The following CYP3A43 variants were observed in gnomAD, a reference collection of about 807,000 sequenced individuals.
The protein encoded by CYP3A43 is cytochrome P450 3A43.
Under a neutral mutation model 58.0 loss-of-function variants are expected in CYP3A43, and 45 were observed. The ratio of observed to expected loss-of-function variants is 0.78; its 90% confidence interval spans 0.61 to 0.99. The LOEUF (loss-of-function observed/expected upper bound fraction) is 0.99, where lower values mean the gene tolerates loss of function less well. CYP3A43 is among the 50% of genes least tolerant of loss of function. The pLI is 0.00. For synonymous variants in CYP3A43, 191 were observed against 201.4 expected (o/e 0.95, Z 0.44); for missense variants, 593 against 591.9 (o/e 1.00, Z -0.02).
chr7:99,830,283 C>T (rs943151595), intron 1 of CYP3A43, among the ~76,000 whole-genome samples: 10 of 152,034 alleles, frequency 6.6e-5, no homozygotes, highest in African/African-American at 2.4e-4. Context: ...TTTGGAAAGC[C>T]GAGGTGGGTG....
At chr7:99,863,786 C>G (rs546129853) in intron 12 of CYP3A43, 87 bp downstream of exon 12, 1 of 1,103,710 alleles carries the variant, frequency 9.1e-7, no homozygotes, top group East Asian at 2.6e-5. Flanking sequence ...GTTCATTTTT[C>G]AATAATTTGC....
intron 2 of CYP3A43, chr7:99,838,634 T>C: frequency 7.8e-7 from 1 of 1,276,722 alleles, no homozygotes; most frequent in Non-Finnish European, 1.0e-6. Context: ...CTTTAAATTC[T>C]CCATTTCAAA....
At chr7:99,850,551 C>A (rs1365845098) in intron 7 of CYP3A43, among the ~76,000 whole-genome samples, 3 of 151,990 alleles carry the variant, frequency 2.0e-5, no homozygotes, top group South Asian at 2.1e-4. Flanking sequence ...CCTTCCTCAC[C>A]TTTTTTATGT....
At chr7:99,855,806 T>C in intron 8 of CYP3A43, 88 bp downstream of exon 8, 3 of 1,412,516 alleles carry the variant, frequency 2.1e-6, no homozygotes, top group Non-Finnish European at 1.9e-6. Context: ...CTTATCTGTG[T>C]TTTTTAAAGG....
At chr7:99,860,842 T>G (rs1010051185) in intron 10 of CYP3A43, among the ~76,000 whole-genome samples, 3 of 152,070 alleles carry the variant, frequency 2.0e-5, no homozygotes, top group African/African-American at 7.3e-5. Flanking sequence ...ATCCCCAAAC[T>G]ATTTATAGGG....
Position 99,856,828 on chromosome 7 carries a change from T to C in CYP3A43, c.799-5T>C. 1.2e-6 allele frequency: 2 copies of C among 1,613,946 alleles called. No individual in the cohort carries two copies. The highest frequency in any genetic ancestry group is 1.7e-6 in the Non-Finnish European group (2 of 1,179,968). Reference sequence around the variant, plus strand: ...TGTCATTAAAATTTCTCTTTTTGCTTCCAGCATCGAGTAGATTTCTTTCAA... The same window carrying C: ...TGTCATTAAAATTTCTCTTTTTGCTCCCAGCATCGAGTAGATTTCTTTCAA... On this transcript the variant is annotated splice_polypyrimidine_tract_variant and splice_region_variant and intron_variant, in intron 8 of 12. Coordinates refer to ENST00000354829, the MANE Select transcript of CYP3A43 (RefSeq NM_057095.3).
At chr7:99,857,004 A>G in intron 9 of CYP3A43, 105 bp downstream of exon 9, 1 of 1,340,576 alleles carries the variant, frequency 7.5e-7, no homozygotes, top group Non-Finnish European at 1.0e-6. Context: ...AATTTCTTCC[A>G]CATTGCAGAA....
At chr7:99,862,208 A>G (rs1392274859) in intron 11 of CYP3A43, among the ~76,000 whole-genome samples, 1 of 152,212 alleles carries the variant, frequency 6.6e-6, no homozygotes, top group Admixed American at 6.5e-5. Context: ...TCATTTCACC[A>G]TAATGTTATT....
intron 5 of CYP3A43, 35 bp from the exon 6 acceptor site, chr7:99,848,131 C>A (rs763656555): frequency 1.2e-6 from 2 of 1,603,378 alleles, no homozygotes; most frequent in Non-Finnish European, 1.7e-6. Flanking sequence ...AGACTCGAGT[C>A]TGCGTAGTTA....
rs567010063 is a variant in CYP3A43 at position 99,838,659 on chromosome 7, T to C, written c.166-461T>C. ...TCCATTTCAAATATCTTCTGTATTT[T>C]CTCTCCTTTTCCTTAAGAGGTCTCT... On this transcript the variant is annotated intron_variant, in intron 2 of 12. Transcript: ENST00000354829. The C allele has an allele frequency of 1.6e-4, 205 of 1,288,040 alleles. No individual in the cohort carries two copies. The African/African-American group carries it at 3.0e-3, about 19-fold the overall frequency. The allele number at this position is 1,288,040 out of a possible 1,614,324, so 79.8% of individuals were successfully genotyped here. A position where few individuals can be genotyped will look rare whatever the true frequency, so the allele number is the denominator to read the frequency against.
intron 1 of CYP3A43, among the ~76,000 whole-genome samples, chr7:99,835,845 C>T (rs1451415268): frequency 6.6e-6 from 1 of 152,194 alleles, no homozygotes; most frequent in Non-Finnish European, 1.5e-5. Flanking sequence ...GTGGGAATGG[C>T]AAACCTTCCT....
chr7:99,861,710 G>A lies in CYP3A43; in HGVS notation c.1124G>A (p.Arg375Lys). Residue 375 changes from arginine to lysine, a missense_variant, in exon 11 of 13, where the codon AGA (arginine) becomes AAA (lysine). By Grantham distance (26) the Arg-to-Lys change is conservative (BLOSUM62 2). Coordinates refer to ENST00000354829, the MANE Select transcript of CYP3A43 (RefSeq NM_057095.3). ...RLFPVVSRVT[R>K]VCKKDIEING... ...TTCCCAGTTGTTAGTAGAGTTACGA[G>A]AGTCTGCAAGAAAGATATTGAAATC... 1 of 1,614,170 alleles carries A rather than the reference G, an allele frequency of 6.2e-7. No individual in the cohort carries two copies. The highest frequency in any genetic ancestry group is 8.5e-7 in the Non-Finnish European group (1 of 1,180,032).
chr7:99,859,936 C>T lies in CYP3A43; in HGVS notation c.972C>T (p.His324=), dbSNP rs748635447. 6.2e-7 allele frequency: 1 copy of T among 1,613,508 alleles called. No individual in the cohort carries two copies. The highest frequency in any genetic ancestry group is 1.1e-5 in the South Asian group (1 of 90,982). The change falls in exon 10 of 13, where the codon CAC becomes CAT. Residue 324 remains histidine (H), a synonymous_variant. Transcript: ENST00000354829. ...TCATTATGTATGAACTGGCCACTCA[C>T]CCTGATGTCCAGCAGAAACTGCAGG... The part of the protein sequence containing the change: ...LPFIMYELAT[H]PDVQQKLQEE...
chr7:99,832,577 T>C (rs1338292157), intron 1 of CYP3A43, among the ~76,000 whole-genome samples: 11 of 149,336 alleles, frequency 7.4e-5, no homozygotes, highest in Non-Finnish European at 1.2e-4. Context: ...CATTAGGAGA[T>C]ATACCTAATG....
chr7:99,860,910 G>A (rs994541283), intron 10 of CYP3A43, among the ~76,000 whole-genome samples: 12 of 151,402 alleles, frequency 7.9e-5, no homozygotes, highest in Non-Finnish European at 1.3e-4. Flanking sequence ...GTCTTGCTTC[G>A]TCGCCCAGGC....
At chr7:99,865,315 A>C (rs1349379832) in intron 12 of CYP3A43, among the ~76,000 whole-genome samples, 3 of 148,656 alleles carry the variant, frequency 2.0e-5, no homozygotes, top group South Asian at 2.1e-4. Flanking sequence ...TAGTCAAAAC[A>C]CTATAGGCCT....
In CYP3A43 at chr7:99,828,204, C is replaced by A. The variant is rs1816702758; in HGVS notation, c.71+18C>A. 6.4e-7 allele frequency: 1 copy of A among 1,569,490 alleles called. No homozygotes were observed. The highest frequency in any genetic ancestry group is 8.7e-7 in the Non-Finnish European group (1 of 1,152,906). On this transcript the variant is annotated intron_variant, in intron 1 of 12. Coordinates refer to ENST00000354829, the MANE Select transcript of CYP3A43 (RefSeq NM_057095.3). ...CTCTATATGTGAGTAACTATGCAGG[C>A]ATGTTTGCTCTTAACTCTAAGACCT...
chr7:99,852,249 G>A (rs544083648), intron 7 of CYP3A43, among the ~76,000 whole-genome samples: 7 of 152,272 alleles, frequency 4.6e-5, no homozygotes, highest in African/African-American at 1.4e-4. Flanking sequence ...CCTGCAACTT[G>A]ATTCTTTTTC....
At position 99,838,741 on chromosome 7, in the gene CYP3A43, A is replaced by G. The variant is rs969479643; in HGVS notation, c.166-379A>G. 8 of 1,102,606 alleles carry G rather than the reference A, an allele frequency of 7.3e-6. No individual in the cohort carries two copies. In the Admixed American group the frequency reaches 1.3e-4, roughly 17 times the overall value. 68.3% of individuals were successfully genotyped at this position (1,102,606 alleles called of 1,614,324 possible). The stretch of plus-strand genomic sequence containing the variant: ...ACGCCTGTAATCCCAGCACTTTGGG[A>G]GGCTGAAGCAGGAGGATCACCTAAG... On this transcript the variant is annotated intron_variant, in intron 2 of 12. Transcript: ENST00000354829.
Sources: allele counts gnomAD v4.1 joint callset (sites outside exome capture counted in the v4.1 genomes callset), GRCh38; gene constraint gnomAD v4.1.1; transcripts MANE v1.5; gene names NCBI Gene and HGNC (gene_info 2026-07-23, HGNC 2026-07-21).